The following LIMCH1 variants were observed in gnomAD, a reference collection of about 807,000 sequenced individuals.
The protein encoded by LIMCH1 is LIM and calponin homology domains 1.
In LIMCH1, 113 loss-of-function variants were observed where a neutral mutation model predicts 176.5. The ratio of observed to expected loss-of-function variants is 0.64; its 90% CI spans 0.55 to 0.75. The LOEUF is 0.75. Among genes scored for constraint, LIMCH1 ranks in the 30% least tolerant of loss-of-function variants. The probability of loss-of-function intolerance (pLI) is 0.00; values close to 1 mark genes in which losing one functional copy is unlikely to be tolerated. For missense variants in LIMCH1, 1,674 were observed against 1,814.9 expected (o/e 0.92, Z 1.41); for synonymous variants, 619 against 645.9 (o/e 0.96, Z 0.63).
At chr4:41,659,645 T>A (rs2094555470) in intron 18 of LIMCH1, among the ~76,000 whole-genome samples, 1 of 152,178 alleles carries the variant, frequency 6.6e-6, no homozygotes. Flanking sequence ...TAATAATGCC[T>A]TTTCTGAAAC....
At chr4:41,390,269 A>AGAGAGAGAGC (rs760332127) in intron 1 of LIMCH1, among the ~76,000 whole-genome samples, 2,253 of 150,220 alleles carry the variant, frequency 0.015, 47 homozygotes, top group African/African-American at 0.044. Context: ...AGAGAGAGAG[A>AGAGAGAGAGC]GAGAGCGAGA....
rs181991960 is a variant in LIMCH1, at chr4:41,547,921, C to T, written c.-241+9571C>T. Among the ~76,000 whole-genome samples, 108 of 130,200 alleles carry T rather than the reference C, an allele frequency of 8.3e-4. 2 individuals carry two copies. Among genetic ancestry groups the T allele is most frequent in the Admixed American group, 1.3e-3 (16 of 11,944 alleles). 85.4% of individuals were successfully genotyped at this position (130,200 alleles called of 152,430 possible). On this transcript the variant is annotated intron_variant, in intron 1 of 31. Transcript: ENST00000503057. Reference sequence around the variant, plus strand: ...TAAACAGTGAGTACATTACCTAGTGCATGGTATGTGCTCAGAAAAAGATGA... The same window carrying T: ...TAAACAGTGAGTACATTACCTAGTGTATGGTATGTGCTCAGAAAAAGATGA...
chr4:41,410,672 C>G (rs567073036), intron 1 of LIMCH1, among the ~76,000 whole-genome samples: 2 of 152,186 alleles, frequency 1.3e-5, no homozygotes, highest in Non-Finnish European at 2.9e-5. Flanking sequence ...CAGCATTCTC[C>G]TCTCCCGTCC....
At chr4:41,428,885 A>T (rs1375662027) in intron 1 of LIMCH1, among the ~76,000 whole-genome samples, 1 of 152,190 alleles carries the variant, frequency 6.6e-6, no homozygotes, top group African/African-American at 2.4e-5. Flanking sequence ...ACAGTCGCTC[A>T]CTGCTGCCTG....
intron 1 of LIMCH1, among the ~76,000 whole-genome samples, chr4:41,561,469 G>A (rs2082054288): frequency 6.6e-6 from 1 of 152,204 alleles, no homozygotes; most frequent in Non-Finnish European, 1.5e-5. Flanking sequence ...GCAGAATACA[G>A]ATGAACTAAT....
In LIMCH1 at chr4:41,467,930, C is replaced by T. The variant is rs187855434; in HGVS notation, c.97-26606C>T. On this transcript the variant is annotated intron_variant, in intron 1 of 26. Transcript: ENST00000313860. ...CACGTGCGGGACGCCATTCATACAG[C>T]GTCACATATCAGAATTCAAAAGACG... 6.6e-5 allele frequency among the ~76,000 whole-genome samples: 10 copies of T among 152,282 alleles called. No individual in the cohort carries two copies. The South Asian group carries it at 1.0e-3, about 16-fold the overall frequency.
intron 3 of LIMCH1, among the ~76,000 whole-genome samples, chr4:41,526,358 CA>C (rs2076656385): frequency 6.6e-6 from 1 of 150,886 alleles, no homozygotes; most frequent in East Asian, 2.0e-4. Flanking sequence ...ATCTTTAGTC[CA>C]AAAAAATACT....
chr4:41,593,935 C>T (rs1301399936), intron 1 of LIMCH1, among the ~76,000 whole-genome samples: 1 of 152,202 alleles, frequency 6.6e-6, no homozygotes, highest in Non-Finnish European at 1.5e-5. Context: ...CGCAACCTCT[C>T]TCTCTCTCCC....
intron 20 of LIMCH1, among the ~76,000 whole-genome samples, chr4:41,663,861 A>AC (rs1560287144): frequency 6.7e-6 from 1 of 150,260 alleles, no homozygotes; most frequent in East Asian, 1.9e-4. Context: ...CTAAAAAAAA[A>AC]AAAAAAAAAA....
chr4:41,360,535 T>C (rs2154089766), upstream of LIMCH1: 1 of 186,070 alleles, frequency 5.4e-6, no homozygotes, highest in Admixed American at 6.1e-5. The surrounding 1 kb of genome is among the most constrained non-coding windows in gnomAD (Gnocchi z 4.5). Context: ...TTTTAGTCCG[T>C]AGCTGTGCTC....
chr4:41,566,744 A>G (rs2082826508), intron 1 of LIMCH1, among the ~76,000 whole-genome samples: 1 of 152,242 alleles, frequency 6.6e-6, no homozygotes, highest in Admixed American at 6.5e-5. Flanking sequence ...TAAACATCTC[A>G]TCATACACTT....
chr4:41,461,657 G>T lies in LIMCH1; in HGVS notation c.97-32879G>T, dbSNP rs376396472. 7.2e-5 allele frequency among the ~76,000 whole-genome samples: 11 copies of T among 152,236 alleles called. 1 individual carries two copies. The highest frequency in any genetic ancestry group is 3.9e-4 in the Admixed American group (6 of 15,296). ...AGGGTTTACTGGGGTTGTGTTGAGGGCCAGTGCCTGATTTCTGTTAGGTTC... is the reference window on the plus strand; with the variant it reads ...AGGGTTTACTGGGGTTGTGTTGAGGTCCAGTGCCTGATTTCTGTTAGGTTC... On this transcript the variant is annotated intron_variant, in intron 1 of 26. Transcript: ENST00000313860.
At chr4:41,400,100 T>C (rs2058261026) in intron 1 of LIMCH1, among the ~76,000 whole-genome samples, 1 of 151,778 alleles carries the variant, frequency 6.6e-6, no homozygotes, top group African/African-American at 2.4e-5. Flanking sequence ...AAAACCAAGG[T>C]TTGGACCAAG....
At chr4:41,632,941 C>A (rs983442084) in intron 11 of LIMCH1, 36 bp from the exon 12 acceptor site, 91 of 1,531,348 alleles carry the variant, frequency 5.9e-5, no homozygotes, top group Non-Finnish European at 7.6e-5. Context: ...GGTGTGAATT[C>A]TTTCCTAGGA....
At chr4:41,540,373 A>G (rs907816481) in intron 1 of LIMCH1, among the ~76,000 whole-genome samples, 15 of 152,124 alleles carry the variant, frequency 9.9e-5, no homozygotes, top group Non-Finnish European at 2.2e-4. Context: ...TAGGTTGAAT[A>G]TTTCCCTAAA....
chr4:41,368,300 A>T (rs930581859), intron 1 of LIMCH1, among the ~76,000 whole-genome samples: 3 of 152,226 alleles, frequency 2.0e-5, no homozygotes, highest in African/African-American at 4.8e-5. Context: ...TATTTCCTGA[A>T]AAGTGTTTAC....
chr4:41,402,179 C>T (rs1341485404), intron 1 of LIMCH1, among the ~76,000 whole-genome samples: 1 of 152,176 alleles, frequency 6.6e-6, no homozygotes, highest in Non-Finnish European at 1.5e-5. Flanking sequence ...TATGAACAGA[C>T]ACTTCTCAAA....
At chr4:41,594,441 T>C (rs547364608) in intron 1 of LIMCH1, among the ~76,000 whole-genome samples, 40 of 152,354 alleles carry the variant, frequency 2.6e-4, no homozygotes, top group African/African-American at 8.7e-4. Flanking sequence ...GTTAACACAC[T>C]AAGTTTTGGG....
At chr4:41,364,118 G>A (rs1257677508) in intron 1 of LIMCH1, among the ~76,000 whole-genome samples, 1 of 152,094 alleles carries the variant, frequency 6.6e-6, no homozygotes, top group Non-Finnish European at 1.5e-5. Context: ...CTAGTTGTTA[G>A]CAACAACAAA....
Sources: allele counts gnomAD v4.1 joint callset (sites outside exome capture counted in the v4.1 genomes callset), GRCh38; gene constraint gnomAD v4.1.1; non-coding constraint Gnocchi (gnomAD v3.1); transcripts MANE v1.5; gene names NCBI Gene and HGNC (gene_info 2026-07-23, HGNC 2026-07-21).